The following LAMA2 variants were observed in gnomAD, a reference collection of about 807,000 sequenced individuals.
LAMA2 encodes the protein laminin subunit alpha 2.
A neutral mutation model predicts 364.8 loss-of-function variants in LAMA2; 269 were observed. That is an observed-to-expected ratio of 0.74 (90% CI 0.67 to 0.82). The LOEUF is 0.82. Among genes scored for constraint, LAMA2 ranks in the 40% least tolerant of loss-of-function variants. The pLI is 0.00. For synonymous variants in LAMA2, 1,379 were observed against 1,370.6 expected (o/e 1.01, Z -0.14); for missense variants, 3,807 against 3,873.2 (o/e 0.98, Z 0.45).
At chr6:128,942,650 T>TA (rs960486141) in intron 1 of LAMA2, among the ~76,000 whole-genome samples, 37 of 149,232 alleles carry the variant, frequency 2.5e-4, no homozygotes, top group South Asian at 1.1e-3. Flanking sequence ...TTCTGTAGAA[T>TA]AAAAAAAAAA....
intron 4 of LAMA2, among the ~76,000 whole-genome samples, chr6:129,112,180 A>C (rs1312069605): frequency 3.3e-5 from 5 of 151,998 alleles, no homozygotes; most frequent in Non-Finnish European, 1.5e-5. Context: ...TTTTGCTAAA[A>C]ATTCTTAGAT....
At chr6:128,943,279 G>C (rs1047093931) in intron 1 of LAMA2, among the ~76,000 whole-genome samples, 87 of 135,314 alleles carry the variant, frequency 6.4e-4, no homozygotes, top group African/African-American at 2.1e-3. Flanking sequence ...CAGAGAGAGA[G>C]AGAGAGAGAG....
intron 12 of LAMA2, among the ~76,000 whole-genome samples, chr6:129,226,797 A>T (rs1457377290): frequency 6.6e-6 from 1 of 152,006 alleles, no homozygotes; most frequent in East Asian, 1.9e-4. Context: ...GGTGAATCTG[A>T]CAATTATGTG....
intron 1 of LAMA2, among the ~76,000 whole-genome samples, chr6:128,977,996 A>T (rs1441992917): frequency 1.3e-5 from 2 of 152,154 alleles, no homozygotes; most frequent in East Asian, 1.9e-4. Context: ...TTAAAGAGAA[A>T]TTTTTTTAAA....
intron 45 of LAMA2, among the ~76,000 whole-genome samples, chr6:129,446,653 A>G (rs192172131): frequency 3.7e-3 from 555 of 151,432 alleles, no homozygotes; most frequent in African/African-American, 0.013. Flanking sequence ...CTTTTTAGAT[A>G]CCTCAGTTTT....
chr6:129,020,668 C>CTGAG (rs1336733670), intron 1 of LAMA2, among the ~76,000 whole-genome samples: 1 of 152,122 alleles, frequency 6.6e-6, no homozygotes, highest in African/African-American at 2.4e-5. Flanking sequence ...GTTTCCTCTC[C>CTGAG]TGAGATAGGA....
intron 56 of LAMA2, 84 bp downstream of exon 56, chr6:129,486,706 A>G (rs1784604955): frequency 7.9e-7 from 1 of 1,272,938 alleles, no homozygotes; most frequent in Non-Finnish European, 1.1e-6. Context: ...ATCTGCCTGA[A>G]CCTCTGTGTG....
chr6:129,309,100 G>T (rs1317757661), intron 22 of LAMA2, among the ~76,000 whole-genome samples: 1 of 152,208 alleles, frequency 6.6e-6, no homozygotes, highest in Non-Finnish European at 1.5e-5. Flanking sequence ...AAACTGGGAT[G>T]ACTTTAATTT....
intron 19 of LAMA2, among the ~76,000 whole-genome samples, chr6:129,288,336 T>A (rs1006458408): frequency 6.6e-6 from 1 of 152,160 alleles, no homozygotes; most frequent in Admixed American, 6.6e-5. Context: ...TTTAATGAAC[T>A]TATGTCCACA....
chr6:128,997,807 A>G (rs1171847979), intron 1 of LAMA2, among the ~76,000 whole-genome samples: 2 of 152,076 alleles, frequency 1.3e-5, no homozygotes, highest in African/African-American at 4.8e-5. Flanking sequence ...AAGAAAAAAA[A>G]AGTTTATACC....
intron 1 of LAMA2, among the ~76,000 whole-genome samples, chr6:129,039,090 C>G (rs531424109): frequency 1.2e-3 from 185 of 152,050 alleles, no homozygotes; most frequent in Non-Finnish European, 1.9e-3. Context: ...TATCCATGCC[C>G]TCAGTAATTT....
chr6:128,995,783 G>T (rs541404397), intron 1 of LAMA2, among the ~76,000 whole-genome samples: 13 of 151,964 alleles, frequency 8.6e-5, no homozygotes, highest in Non-Finnish European at 1.3e-4. Context: ...AATGTATTTG[G>T]CCTAATTTCT....
In LAMA2 at chr6:129,225,211, G is replaced by C. The variant is rs265342; in HGVS notation, c.1783-24901G>C. Among the ~76,000 whole-genome samples, 434 of 152,068 alleles carry C rather than the reference G, an allele frequency of 2.9e-3. 2 individuals carry two copies. The highest frequency in any genetic ancestry group is 7.1e-3 in the Admixed American group (109 of 15,264). ...TTATCATTTTTTATTGCATCTATTT[G>C]ATTCTTCTCTCTTTTCTTCTTTATT... On this transcript the variant is annotated intron_variant, in intron 12 of 64. Coordinates refer to ENST00000421865, the MANE Select transcript of LAMA2 (RefSeq NM_000426.4).
At chr6:129,450,431 T>C (rs1683044514) in intron 45 of LAMA2, among the ~76,000 whole-genome samples, 1 of 152,088 alleles carries the variant, frequency 6.6e-6, no homozygotes, top group African/African-American at 2.4e-5. Context: ...GCAATTCTCC[T>C]GACTCAGCCT....
intron 12 of LAMA2, among the ~76,000 whole-genome samples, chr6:129,224,646 G>A (rs1367817885): frequency 1.3e-5 from 2 of 152,296 alleles, no homozygotes; most frequent in African/African-American, 4.8e-5. Flanking sequence ...TTATTGATTT[G>A]TGTATGTTGA....
Position 128,883,309 on chromosome 6 carries a change from G to T in LAMA2, c.64G>T (p.Ala22Ser). Residue 22 changes from alanine (A) to serine (S), a missense_variant, in exon 1 of 65, where the codon GCG becomes TCG. By Grantham distance (99) the Ala-to-Ser change is moderately conservative. Around this residue, in one of 3 missense-constraint regions of LAMA2, gnomAD observed 394 missense variants for 403.5 expected, o/e 0.98. Coordinates refer to ENST00000421865, the MANE Select transcript of LAMA2 (RefSeq NM_000426.4). ...LLSGGLGGVQ[A>S]QRPQQQRQSQ... ...CTCCGGAGGCCTCGGGGGCGTACAGGCGCAGCGGCCGCAGCAGCAGCGGCA... is the reference window on the plus strand; with the variant it reads ...CTCCGGAGGCCTCGGGGGCGTACAGTCGCAGCGGCCGCAGCAGCAGCGGCA... 1 of 1,595,850 alleles carries T rather than the reference G, an allele frequency of 6.3e-7. No individual in the cohort carries two copies. The highest frequency in any genetic ancestry group is 8.5e-7 in the Non-Finnish European group (1 of 1,171,544).
chr6:129,169,286 C>A (rs374269856), intron 9 of LAMA2, among the ~76,000 whole-genome samples: 3 of 142,464 alleles, frequency 2.1e-5, no homozygotes, highest in Non-Finnish European at 4.5e-5. Context: ...CTGTATGATA[C>A]TGGCTGTGGG....
At chr6:129,111,419 G>C (rs912384614) in intron 4 of LAMA2, among the ~76,000 whole-genome samples, 1 of 151,890 alleles carries the variant, frequency 6.6e-6, no homozygotes. Flanking sequence ...TATTTTCTTT[G>C]TGTAAATTTG....
Position 129,268,476 on chromosome 6 carries a change from T to C in LAMA2, c.2322+1257T>C, listed in dbSNP as rs142697368. ...TAAGTATGTCATAATACCAAACTCA[T>C]GATGTTCCATATAGTCATATTTCAT... is the stretch of plus-strand genomic sequence containing the variant. On this transcript the variant is annotated intron_variant, in intron 16 of 64. Transcript: ENST00000421865. Among the ~76,000 whole-genome samples the C allele has an allele frequency of 2.8e-3, 427 of 152,220 alleles. 4 individuals carry two copies. Among genetic ancestry groups the C allele is most frequent in the African/African-American group, 9.9e-3 (412 of 41,564 alleles).
Sources: allele counts gnomAD v4.1 joint callset (sites outside exome capture counted in the v4.1 genomes callset), GRCh38; gene constraint gnomAD v4.1.1; regional missense constraint gnomAD v4.1.1; transcripts MANE v1.5; gene names NCBI Gene and HGNC (gene_info 2026-07-23, HGNC 2026-07-21).